Variants in GTF2IRD1 observed in about 807,000 individuals in gnomAD.
GTF2IRD1 encodes GTF2I repeat domain containing 1, also known as general transcription factor II-I repeat domain-containing protein 1.
In GTF2IRD1, 26 loss-of-function variants were observed where a neutral mutation model predicts 113.2. The observed-to-expected ratio is 0.23, with a 90% CI of 0.17 to 0.32. GTF2IRD1 has a LOEUF of 0.32. GTF2IRD1 is among the 10% of genes least tolerant of loss of function. The probability of loss-of-function intolerance (pLI) is 1.00; values close to 1 mark genes in which losing one functional copy is unlikely to be tolerated. For missense variants in GTF2IRD1, 864 were observed against 1,280.8 expected, an observed-to-expected ratio of 0.67 and a Z score of 4.97; for synonymous variants, 484 against 529.1, an observed-to-expected ratio of 0.91 and a Z score of 1.17.
At chr7:74,465,381 A>G (rs1429275318) in intron 1 of GTF2IRD1, among the ~76,000 whole-genome samples, 1 of 152,160 alleles carries the variant, frequency 6.6e-6, no homozygotes. Context: ...ACTTCACAGC[A>G]GGGTGCAGTG....
rs1554371737 is a variant in GTF2IRD1, at chr7:74,594,994, C to G, written c.2592-20C>G. The G allele has an allele frequency of 6.3e-7, 1 of 1,586,990 alleles. No homozygotes were observed. Among genetic ancestry groups the G allele is most frequent in the Non-Finnish European group, 8.6e-7 (1 of 1,158,472 alleles). On this transcript the variant is annotated intron_variant, in intron 24 of 26. Coordinates refer to ENST00000424337, the MANE Select transcript of GTF2IRD1 (RefSeq NM_005685.4). ...GAAAACCTCATTTTCTAACTGCCAC[C>G]TCATTTCTTTCTTTTTCAGACCCTT...
chr7:74,558,266 C>T (rs782774595), intron 20 of GTF2IRD1, among the ~76,000 whole-genome samples: 40 of 117,536 alleles, frequency 3.4e-4, no homozygotes, highest in African/African-American at 8.5e-4. Context: ...GCAACAAAAG[C>T]GAAACTCCGT....
intron 3 of GTF2IRD1, chr7:74,515,211 G>A (rs1157109543): frequency 3.7e-5 from 28 of 749,372 alleles, no homozygotes; most frequent in Non-Finnish European, 5.9e-5. Flanking sequence ...AATTAGAGGT[G>A]ACCAGAGGTG....
At chr7:74,576,389 C>T (rs1057340152) in intron 22 of GTF2IRD1, among the ~76,000 whole-genome samples, 12 of 151,140 alleles carry the variant, frequency 7.9e-5, no homozygotes, top group Non-Finnish European at 1.5e-4. Context: ...GGTAAAACCC[C>T]ATCTCTACTA....
At chr7:74,601,983 G>A (rs1313665693) in intron 26 of GTF2IRD1, 2 of 169,092 alleles carry the variant, frequency 1.2e-5, no homozygotes, top group South Asian at 1.6e-4. Flanking sequence ...GCTCACGCCT[G>A]TAATCCTAGC....
intron 3 of GTF2IRD1, among the ~76,000 whole-genome samples, chr7:74,515,056 C>CAAAAAA (rs782246030): frequency 1.5e-5 from 1 of 66,808 alleles, no homozygotes; most frequent in Admixed American, 1.8e-4. Context: ...GACTCTGTCT[C>CAAAAAA]AAAAAAAAAA....
chr7:74,456,035 T>C (rs1358820420), intron 1 of GTF2IRD1, among the ~76,000 whole-genome samples: 1 of 152,186 alleles, frequency 6.6e-6, no homozygotes, highest in African/African-American at 2.4e-5. Flanking sequence ...ATTTGCAGTA[T>C]GCTAATCACA....
chr7:74,562,587 G>A (rs1227845858), intron 22 of GTF2IRD1, among the ~76,000 whole-genome samples: 5 of 45,126 alleles, frequency 1.1e-4, no homozygotes, highest in South Asian at 6.1e-4. Context: ...TTTTTTTTGA[G>A]ATGGAATTTA....
At chr7:74,546,708 G>A (rs1228199440) in intron 16 of GTF2IRD1, among the ~76,000 whole-genome samples, 1 of 152,126 alleles carries the variant, frequency 6.6e-6, no homozygotes, top group Non-Finnish European at 1.5e-5. Flanking sequence ...GCTTATGGTG[G>A]CAGGAGGGAC....
intron 3 of GTF2IRD1, among the ~76,000 whole-genome samples, chr7:74,515,142 G>A (rs797041856): frequency 8.6e-5 from 13 of 151,616 alleles, no homozygotes; most frequent in Admixed American, 2.0e-4. Context: ...CTGGCCTCCC[G>A]TGAACATTCA....
At chr7:74,482,939 C>T (rs781881740) in intron 1 of GTF2IRD1, among the ~76,000 whole-genome samples, 15 of 152,196 alleles carry the variant, frequency 9.9e-5, no homozygotes, top group Non-Finnish European at 1.6e-4. Flanking sequence ...ATTCGGATAC[C>T]TCTGAATTAC....
chr7:74,471,674 A>T (rs1293077596), intron 1 of GTF2IRD1, among the ~76,000 whole-genome samples: 8 of 16,932 alleles, frequency 4.7e-4, no homozygotes, highest in Non-Finnish European at 3.1e-4. Context: ...GAAATATTTA[A>T]AAAAAAAAAA....
intron 22 of GTF2IRD1, among the ~76,000 whole-genome samples, chr7:74,563,445 C>T (rs1251804390): frequency 2.6e-5 from 4 of 151,874 alleles, no homozygotes; most frequent in South Asian, 2.1e-4. Flanking sequence ...GGCATGGTGG[C>T]GGGTGCCTCT....
intron 22 of GTF2IRD1, among the ~76,000 whole-genome samples, chr7:74,574,200 C>A (rs1800867147): frequency 7.1e-6 from 1 of 140,772 alleles, no homozygotes. Flanking sequence ...CTGGATTTCA[C>A]CATGTTGGCC....
intron 14 of GTF2IRD1, among the ~76,000 whole-genome samples, chr7:74,543,454 C>A (rs1256545125): frequency 2.0e-5 from 3 of 152,194 alleles, no homozygotes; most frequent in African/African-American, 4.8e-5. Context: ...GCCTGGGTGA[C>A]AGAGCGAGAC....
At chr7:74,601,590 C>A in intron 26 of GTF2IRD1, 3 of 734,388 alleles carry the variant, frequency 4.1e-6, no homozygotes, top group South Asian at 2.5e-5. Flanking sequence ...CTGACCAACA[C>A]GGGGAAACCC....
rs1399388042 is a variant in GTF2IRD1 at position 74,485,000 on chromosome 7, A to G, written c.-6-23075A>G. Among the ~76,000 whole-genome samples the G allele has an allele frequency of 5.9e-5, 9 of 152,160 alleles. No homozygotes were observed. In the East Asian group the frequency reaches 9.7e-4, roughly 16 times the overall value. On this transcript the variant is annotated intron_variant, in intron 1 of 26. Transcript: ENST00000424337. ...ATCGCCTCTTTCAACCCCTTATCCA[A>G]TGCTTGAGTCCTTCCTTCCAGAATC...
chr7:74,561,903 A>G (rs1482270474), intron 22 of GTF2IRD1, among the ~76,000 whole-genome samples: 3 of 152,076 alleles, frequency 2.0e-5, no homozygotes, highest in Non-Finnish European at 4.4e-5. Context: ...GCTCGGTGTG[A>G]GTGATGTGTT....
intron 5 of GTF2IRD1, 56 bp from the exon 6 acceptor site, chr7:74,519,353 C>G: frequency 7.9e-7 from 1 of 1,269,190 alleles, no homozygotes; most frequent in South Asian, 1.6e-5. Context: ...GGGGGAAGAG[C>G]TGCAATGTGT....
Sources: gnomAD v4.1 joint callset for allele counts (sites outside exome capture counted in the v4.1 genomes callset) on GRCh38, gnomAD v4.1.1 for gene constraint, MANE v1.5 for transcripts, NCBI Gene and HGNC (gene_info 2026-07-23, HGNC 2026-07-21) for gene names.